Variants in ODAD2 observed in about 807,000 individuals in gnomAD.
ODAD2 encodes outer dynein arm-docking complex subunit 2.
ODAD2 carries 89 observed loss-of-function variants against 106.8 expected under a neutral mutation model. That is an observed-to-expected ratio of 0.83 (90% confidence interval 0.70 to 0.99). The LOEUF is 0.99. ODAD2 is among the 50% of genes least tolerant of loss of function. ODAD2 has a pLI of 0.00. For synonymous variants in ODAD2, 404 were observed against 436.2 expected (o/e 0.93, Z 0.92); for missense variants, 1,168 against 1,238.5 (o/e 0.94, Z 0.85).
At position 27,981,587 on chromosome 10, in the gene ODAD2, G is replaced by A; in HGVS notation, c.820-5C>T. The stretch of plus-strand genomic sequence containing the variant: ...CCCTTCATCATCTGTTTTGCCCTTT[G>A]GGAAAAAACAAGTTTCATTCTATGA... On this transcript the variant is annotated splice_region_variant and splice_polypyrimidine_tract_variant and intron_variant, in intron 6 of 19. Coordinates refer to ENST00000305242, the MANE Select transcript of ODAD2 (RefSeq NM_018076.5). The A allele has an allele frequency of 6.6e-7, 1 of 1,524,410 alleles. No individual in the cohort carries two copies. The highest frequency in any genetic ancestry group is 8.7e-7 in the Non-Finnish European group (1 of 1,143,432). 94.4% of individuals were successfully genotyped at this position (1,524,410 alleles called of 1,614,324 possible). A position where few individuals can be genotyped will look rare whatever the true frequency, so the allele number is the denominator to read the frequency against.
chr10:27,863,860 A>G (rs540139555), intron 17 of ODAD2, among the ~76,000 whole-genome samples: 13 of 152,212 alleles, frequency 8.5e-5, no homozygotes, highest in Admixed American at 4.6e-4. Context: ...GCACAAAATA[A>G]GAAAGGCAGC....
chr10:27,941,466 C>T (rs1217650412), intron 12 of ODAD2, among the ~76,000 whole-genome samples: 1 of 138,146 alleles, frequency 7.2e-6, no homozygotes, highest in African/African-American at 2.7e-5. Context: ...GCCTGGGCAA[C>T]AAAGCAAGAT....
upstream of ODAD2, among the ~76,000 whole-genome samples, chr10:27,999,520 G>GTT (rs1013390636): frequency 2.6e-5 from 4 of 152,124 alleles, no homozygotes; most frequent in Admixed American, 2.6e-4. Flanking sequence ...TAGGGCAGAG[G>GTT]ATCGGAGTGA....
rs370889470 is a variant in ODAD2 at position 27,850,523 on chromosome 10, C to G, written c.3021+10102G>C. Among the ~76,000 whole-genome samples the G allele has an allele frequency of 3.3e-5, 5 of 151,210 alleles. No homozygotes were observed. The East Asian group carries it at 7.8e-4, about 24-fold the overall frequency. On this transcript the variant is annotated intron_variant, in intron 19 of 19. Transcript: ENST00000305242. ...AGTGAGCTGATATCGTACTACTACACTCTAGACTGGGTGACAGAGCGAGAC... is the reference window on the plus strand; with the variant it reads ...AGTGAGCTGATATCGTACTACTACAGTCTAGACTGGGTGACAGAGCGAGAC...
chr10:27,823,955 A>G (rs929742883), intron 19 of ODAD2, among the ~76,000 whole-genome samples: 1 of 141,684 alleles, frequency 7.1e-6, no homozygotes, highest in Non-Finnish European at 1.5e-5. Flanking sequence ...CCTGGCTAAC[A>G]CGGTGAAACC....
intron 17 of ODAD2, among the ~76,000 whole-genome samples, chr10:27,871,882 G>A (rs977728963): frequency 3.3e-5 from 5 of 152,048 alleles, no homozygotes; most frequent in Admixed American, 6.6e-5. Flanking sequence ...GTTTTTTCCA[G>A]TTCTGTGAAG....
intron 16 of ODAD2, among the ~76,000 whole-genome samples, chr10:27,930,365 A>T (rs1296680764): frequency 6.6e-6 from 1 of 152,046 alleles, no homozygotes; most frequent in Non-Finnish European, 1.5e-5. Context: ...TTACAAAAAA[A>T]TTTTTTGAAA....
intron 19 of ODAD2, among the ~76,000 whole-genome samples, chr10:27,821,155 C>A (rs996902202): frequency 6.6e-6 from 1 of 152,156 alleles, no homozygotes; most frequent in East Asian, 1.9e-4. Context: ...TTTTACTTAG[C>A]TAAGTACAGT....
intron 7 of ODAD2, among the ~76,000 whole-genome samples, chr10:27,974,129 G>T (rs1275966339): frequency 6.6e-6 from 1 of 152,116 alleles, no homozygotes; most frequent in Non-Finnish European, 1.5e-5. Flanking sequence ...TAGTGGGGTT[G>T]TTTGTTTTTC....
In ODAD2 at chr10:27,995,101, G is replaced by A. The variant is rs537638168; in HGVS notation, c.42C>T (p.Ala14=). Residue 14 remains alanine (A), a synonymous_variant, in exon 2 of 20, where the codon GCC becomes GCT. Coordinates refer to ENST00000305242, the MANE Select transcript of ODAD2 (RefSeq NM_018076.5). ...TTTCGAGGATTCCAGTTCCATGTCC[G>A]GCAGCAGTCCACTGCGTCAATTTCC... ...ALRKLTQWTA[A]GHGTGILEIT... 2.5e-5 allele frequency: 40 copies of A among 1,613,976 alleles called. No homozygotes were observed. The highest frequency in any genetic ancestry group is 1.3e-4 in the South Asian group (12 of 91,076).
chr10:27,929,844 G>C (rs1463805921), intron 16 of ODAD2, among the ~76,000 whole-genome samples: 1 of 152,084 alleles, frequency 6.6e-6, no homozygotes, highest in Non-Finnish European at 1.5e-5. Context: ...TGAAATGCAA[G>C]TAATTTTATC....
intron 19 of ODAD2, among the ~76,000 whole-genome samples, chr10:27,831,101 C>T (rs568153089): frequency 1.8e-4 from 28 of 152,234 alleles, no homozygotes; most frequent in South Asian, 8.3e-4. Context: ...TGGAGGCCAA[C>T]GGCCCAGGAG....
chr10:27,840,575 A>AT lies in ODAD2; in HGVS notation c.3021+20049dup, dbSNP rs574658866. Among the ~76,000 whole-genome samples the AT allele has an allele frequency of 3.5e-4, 53 of 152,264 alleles. No individual in the cohort carries two copies. In the East Asian group the frequency reaches 8.5e-3, roughly 24 times the overall value. Reference sequence around the variant, plus strand: ...GGCCAATCAGCTTCCCTTGTCTGAGATTTTTGAACTGAAAATGGGGGTGGA... The same window carrying AT: ...GGCCAATCAGCTTCCCTTGTCTGAGATTTTTTGAACTGAAAATGGGGGTGGA... On this transcript the variant is annotated intron_variant, in intron 19 of 19. Coordinates refer to ENST00000305242, the MANE Select transcript of ODAD2 (RefSeq NM_018076.5).
intron 19 of ODAD2, among the ~76,000 whole-genome samples, chr10:27,820,020 G>A (rs947332898): frequency 6.6e-6 from 1 of 152,098 alleles, no homozygotes; most frequent in African/African-American, 2.4e-5. Context: ...TGCTACTCAC[G>A]CTCATGGTGA....
intron 19 of ODAD2, among the ~76,000 whole-genome samples, chr10:27,832,533 A>T (rs11594652): frequency 6.6e-6 from 1 of 151,652 alleles, no homozygotes; most frequent in African/African-American, 2.4e-5. Context: ...ACACACACAC[A>T]CAGACACACA....
intron 16 of ODAD2, among the ~76,000 whole-genome samples, chr10:27,921,977 G>A (rs1399517613): frequency 6.6e-6 from 1 of 151,112 alleles, no homozygotes. Flanking sequence ...GACCCACGTG[G>A]GCAACATGGT....
At chr10:27,838,673 C>T (rs569733669) in intron 19 of ODAD2, among the ~76,000 whole-genome samples, 3 of 152,154 alleles carry the variant, frequency 2.0e-5, no homozygotes, top group Non-Finnish European at 2.9e-5. Flanking sequence ...CCAGATTCCT[C>T]GACTTTTTGG....
intron 19 of ODAD2, among the ~76,000 whole-genome samples, chr10:27,819,401 T>G (rs1463359010): frequency 6.6e-6 from 1 of 152,042 alleles, no homozygotes; most frequent in African/African-American, 2.4e-5. Context: ...GACTTAAAGC[T>G]TAATAGTGCA....
At chr10:27,885,120 A>C (rs1020545460) in intron 17 of ODAD2, among the ~76,000 whole-genome samples, 5 of 152,094 alleles carry the variant, frequency 3.3e-5, no homozygotes, top group African/African-American at 1.2e-4. Context: ...TGTTAAAACA[A>C]CTGTCTTAAG....
Sources: allele counts gnomAD v4.1 joint callset (sites outside exome capture counted in the v4.1 genomes callset), GRCh38; gene constraint gnomAD v4.1.1; transcripts MANE v1.5; gene names NCBI Gene and HGNC (gene_info 2026-07-23, HGNC 2026-07-21).